The following FAH variants were observed in gnomAD, a reference collection of about 807,000 sequenced individuals.
FAH encodes fumarylacetoacetase.
In FAH, 47 loss-of-function variants were observed where a neutral mutation model predicts 55.8. The ratio of observed to expected loss-of-function variants is 0.84; its 90% confidence interval spans 0.67 to 1.07. The LOEUF is 1.07. Ranked by LOEUF, FAH falls within the 50% of genes least tolerant of loss-of-function variation. The probability of loss-of-function intolerance (pLI) is 0.00; values close to 1 mark genes in which losing one functional copy is unlikely to be tolerated. For missense variants in FAH, 495 were observed against 545.9 expected (o/e 0.91, Z 0.93); for synonymous variants, 199 against 207.7 (o/e 0.96, Z 0.36).
chr15:80,171,798 T>G (rs2041243256), intron 7 of FAH, among the ~76,000 whole-genome samples: 1 of 152,188 alleles, frequency 6.6e-6, no homozygotes, highest in Non-Finnish European at 1.5e-5. Context: ...CCTGATAGTT[T>G]CAGTTTTACA....
chr15:80,182,818 G>A (rs1356729756), intron 13 of FAH, among the ~76,000 whole-genome samples: 1 of 152,154 alleles, frequency 6.6e-6, no homozygotes, highest in Non-Finnish European at 1.5e-5. Context: ...CAGACCTACC[G>A]CAGGCCTTTG....
chr15:80,153,060 C>T lies in FAH; in HGVS notation c.6C>T (p.Ser2=). 2 of 1,613,598 alleles carry T rather than the reference C, an allele frequency of 1.2e-6. No individual in the cohort carries two copies. Among genetic ancestry groups the T allele is most frequent in the Non-Finnish European group, 1.7e-6 (2 of 1,179,954 alleles). M[S]FIPVAEDSDF... ...CGTGCCGGGTGCTCTTCAGCATGTC[C>T]TTCATCCCGGTGGCCGAGGATTCCG... The change falls in exon 1 of 14, where the codon TCC becomes TCT. Residue 2 remains serine, a synonymous_variant. Transcript: ENST00000561421.
chr15:80,171,250 C>A (rs1357880349), intron 7 of FAH, among the ~76,000 whole-genome samples: 1 of 152,064 alleles, frequency 6.6e-6, no homozygotes, highest in East Asian at 1.9e-4. Context: ...CCTCTTCCCC[C>A]CACCCCACAA....
intron 10 of FAH, among the ~76,000 whole-genome samples, chr15:80,176,108 C>T (rs1190284347): frequency 6.6e-6 from 1 of 152,168 alleles, no homozygotes; most frequent in African/African-American, 2.4e-5. Context: ...ACCTCTGCCC[C>T]TGGGTTCAAG....
rs562865232 is a variant in FAH at position 80,171,486 on chromosome 15, G to A, written c.607-663G>A. On this transcript the variant is annotated intron_variant, in intron 7 of 13. Transcript: ENST00000561421. ...TTTATTTTTTTATTTTTTGAGACAG[G>A]GTCTTGCTCTGTCACCCAGGCTGGA... 1.6e-3 allele frequency among the ~76,000 whole-genome samples: 249 copies of A among 152,166 alleles called. 2 individuals are homozygous for A. Among genetic ancestry groups the A allele is most frequent in the Admixed American group, 2.4e-3 (37 of 15,288 alleles).
chr15:80,180,058 A>G lies in FAH; in HGVS notation c.961-66A>G, dbSNP rs1023700283. 9.1e-6 allele frequency: 10 copies of G among 1,092,928 alleles called. No homozygotes were observed. In the Admixed American group the frequency reaches 1.1e-4, roughly 12 times the overall value. 67.7% of individuals were successfully genotyped at this position (1,092,928 alleles called of 1,614,324 possible). ...GTCGTGAGCAGGGCAGGCTGTGCCC[A>G]GCTGCCTCCGGGATGCTAGGCTAAG... On this transcript the variant is annotated intron_variant, in intron 11 of 13. Transcript: ENST00000561421.
chr15:80,159,949 GC>G (rs1451417119), intron 3 of FAH, 72 bp downstream of exon 3: 5 of 1,563,778 alleles, frequency 3.2e-6, no homozygotes, highest in South Asian at 2.3e-5. Context: ...GGTTATCAGT[GC>G]CATTCTGAGT....
chr15:80,160,025 C>T, intron 3 of FAH, 148 bp downstream of exon 3: 4 of 1,089,586 alleles, frequency 3.7e-6, no homozygotes, highest in Non-Finnish European at 5.3e-6. Flanking sequence ...GCCTGAGCTG[C>T]CTATTGATGG....
intron 2 of FAH, among the ~76,000 whole-genome samples, chr15:80,158,493 G>A (rs1274638173): frequency 6.6e-6 from 1 of 152,180 alleles, no homozygotes; most frequent in East Asian, 1.9e-4. Context: ...AGCTGTTTGA[G>A]CCTCTGCCTG....
At chr15:80,154,954 G>T (rs1417691038) in intron 1 of FAH, among the ~76,000 whole-genome samples, 1 of 152,174 alleles carries the variant, frequency 6.6e-6, no homozygotes, top group Non-Finnish European at 1.5e-5. Context: ...TGGCTGTGCT[G>T]CTGCCTCCTG....
chr15:80,176,028 T>C (rs946231881), intron 10 of FAH, among the ~76,000 whole-genome samples: 4 of 152,122 alleles, frequency 2.6e-5, no homozygotes, highest in Admixed American at 1.3e-4. Context: ...TTCTTTTTTT[T>C]TCCCCCGAGA....
chr15:80,180,488 T>C (rs1406184301), intron 12 of FAH, among the ~76,000 whole-genome samples: 2 of 151,246 alleles, frequency 1.3e-5, no homozygotes, highest in Non-Finnish European at 2.9e-5. Context: ...TGGGGAGGAG[T>C]CAGGAGACAG....
intron 1 of FAH, 125 bp downstream of exon 1, chr15:80,153,260 CTT>C: frequency 1.2e-6 from 1 of 801,604 alleles, no homozygotes; most frequent in Non-Finnish European, 2.1e-6. Context: ...CCATTTTTCT[CTT>C]AAGATTCGTT....
rs1044661946 is a variant in FAH, at chr15:80,175,654, G to A, written c.913+563G>A. Among the ~76,000 whole-genome samples the A allele has an allele frequency of 9.2e-5, 14 of 152,194 alleles. 1 individual carries two copies. The highest frequency in any genetic ancestry group is 6.5e-4 in the Admixed American group (10 of 15,276). ...ACATCTCCCTGTGGCTGCTCAGCCC[G>A]CCTCCGCGAACAGGCCCAATGGGGC... On this transcript the variant is annotated intron_variant, in intron 10 of 13. Coordinates refer to ENST00000561421, the MANE Select transcript of FAH (RefSeq NM_000137.4).
At position 80,163,939 on chromosome 15, in the gene FAH, T is replaced by G. The variant is rs141810176; in HGVS notation, c.455+1603T>G. ...AAATGTTTTGCAGCTAGTGAAAGAT[T>G]TAGATCAAGAAAGATGTGCACTGAT... On this transcript the variant is annotated intron_variant, in intron 5 of 13. Transcript: ENST00000561421. Among the ~76,000 whole-genome samples the G allele has an allele frequency of 2.5e-4, 38 of 152,308 alleles. No homozygotes were observed. In the East Asian group the frequency reaches 7.1e-3, roughly 29 times the overall value.
In FAH at chr15:80,182,177, C is replaced by T. The variant is rs139521235; in HGVS notation, c.1180+1018C>T. ...TGCCTCCACGGTCACATTGTCGCCT[C>T]GTCTTCTGTCTCATCTCCTTTACCT... On this transcript the variant is annotated intron_variant, in intron 13 of 13. Coordinates refer to ENST00000561421, the MANE Select transcript of FAH (RefSeq NM_000137.4). Among the ~76,000 whole-genome samples the T allele has an allele frequency of 1.2e-4, 18 of 152,240 alleles. No individual in the cohort carries two copies. The East Asian group carries it at 2.5e-3, about 21-fold the overall frequency.
chr15:80,177,623 G>C (rs2041295680), intron 11 of FAH, 40 bp downstream of exon 11: 1 of 1,564,276 alleles, frequency 6.4e-7, no homozygotes, highest in Non-Finnish European at 8.8e-7. Flanking sequence ...TTAGAATTGA[G>C]GGAAAGAGAG....
At chr15:80,181,396 C>T (rs1194703199) in intron 13 of FAH, among the ~76,000 whole-genome samples, 1 of 152,122 alleles carries the variant, frequency 6.6e-6, no homozygotes, top group Non-Finnish European at 1.5e-5. Flanking sequence ...CTCCCTTCTC[C>T]CTGAGCATAG....
At chr15:80,161,600 A>G (rs8027831) in intron 4 of FAH, among the ~76,000 whole-genome samples, 92,326 of 152,084 alleles carry the variant, frequency 0.61, 28,232 homozygotes, top group East Asian at 0.78. Flanking sequence ...ATAATCAACA[A>G]GCACTGATAT....
Sources: allele counts gnomAD v4.1 joint callset (sites outside exome capture counted in the v4.1 genomes callset), GRCh38; gene constraint gnomAD v4.1.1; transcripts MANE v1.5; gene names NCBI Gene and HGNC (gene_info 2026-07-23, HGNC 2026-07-21).